The following CSMD1 variants were observed in gnomAD, a reference collection of about 807,000 sequenced individuals.
The protein encoded by CSMD1 is CUB and sushi domain-containing protein 1.
CSMD1 carries 213 observed loss-of-function variants against 417.5 expected under a neutral mutation model. The ratio of observed to expected loss-of-function variants is 0.51; its 90% CI spans 0.46 to 0.57. CSMD1 has a LOEUF of 0.57. CSMD1 is among the 20% of genes least tolerant of loss of function. CSMD1 has a pLI of 0.00. For synonymous variants in CSMD1, 2,862 were observed against 1,736.8 expected (o/e 1.65, Z -16.11); for missense variants, 6,923 against 4,529.7 (o/e 1.53, Z -15.17).
At chr8:4,445,932 CAGAGAA>C (rs1798762501) in intron 2 of CSMD1, among the ~76,000 whole-genome samples, 2 of 152,048 alleles carry the variant, frequency 1.3e-5, no homozygotes, top group Admixed American at 6.5e-5. Flanking sequence ...TTCAGCTGGT[CAGAGAA>C]AAAGTATTTC....
chr8:3,398,860 A>G (rs539304590), intron 16 of CSMD1, among the ~76,000 whole-genome samples: 2 of 152,312 alleles, frequency 1.3e-5, no homozygotes, highest in South Asian at 4.1e-4. Context: ...AGATCATGAA[A>G]TGCATTATTA....
chr8:4,090,321 A>G (rs577491877), intron 3 of CSMD1, among the ~76,000 whole-genome samples: 23 of 152,344 alleles, frequency 1.5e-4, no homozygotes, highest in Middle Eastern at 3.4e-3. Flanking sequence ...GTTTATAAAG[A>G]AACATTAAAC....
chr8:3,329,754 A>G (rs1806773973), intron 23 of CSMD1, among the ~76,000 whole-genome samples: 1 of 152,160 alleles, frequency 6.6e-6, no homozygotes, highest in African/African-American at 2.4e-5. Context: ...AGGCCATGCC[A>G]TCAGTCTGTG....
chr8:4,520,574 G>A (rs1388374739), intron 2 of CSMD1, among the ~76,000 whole-genome samples: 1 of 152,096 alleles, frequency 6.6e-6, no homozygotes. Flanking sequence ...GATAATCAGA[G>A]TGGTTATGTC....
chr8:4,725,102 A>C (rs1936141201), intron 1 of CSMD1, among the ~76,000 whole-genome samples: 2 of 152,180 alleles, frequency 1.3e-5, no homozygotes, highest in African/African-American at 4.8e-5. Flanking sequence ...TTTCAAATTA[A>C]ATGTATCCTG....
chr8:4,265,112 T>C (rs975403126), intron 3 of CSMD1, among the ~76,000 whole-genome samples: 1 of 152,130 alleles, frequency 6.6e-6, no homozygotes, highest in Admixed American at 6.6e-5. Context: ...CAAATTAAGT[T>C]GAAAAACTGT....
At chr8:3,770,253 C>T (rs1798496780) in intron 5 of CSMD1, among the ~76,000 whole-genome samples, 2 of 152,180 alleles carry the variant, frequency 1.3e-5, no homozygotes, top group Admixed American at 1.3e-4. Context: ...GGCAACTGGG[C>T]ACAGTGTCTC....
intron 1 of CSMD1, among the ~76,000 whole-genome samples, chr8:4,867,121 A>T (rs1802463614): frequency 1.3e-5 from 2 of 152,092 alleles, no homozygotes; most frequent in Non-Finnish European, 2.9e-5. Context: ...TATGAACTTC[A>T]TGAACTACAC....
intron 3 of CSMD1, among the ~76,000 whole-genome samples, chr8:4,102,488 G>C (rs1303559903): frequency 2.6e-5 from 4 of 152,150 alleles, no homozygotes; most frequent in African/African-American, 7.2e-5. Context: ...TGTCACTTGA[G>C]GGGCAGAATT....
intron 7 of CSMD1, among the ~76,000 whole-genome samples, chr8:3,660,651 G>C (rs1450945627): frequency 6.6e-6 from 1 of 151,524 alleles, no homozygotes; most frequent in Non-Finnish European, 1.5e-5. Context: ...CTCCTGAGTA[G>C]CTGGGATTAC....
chr8:4,133,095 C>T (rs141323907), intron 3 of CSMD1, among the ~76,000 whole-genome samples: 4 of 152,144 alleles, frequency 2.6e-5, no homozygotes, highest in African/African-American at 7.2e-5. Flanking sequence ...GCCACCATGC[C>T]CGGATAATTT....
At chr8:4,440,307 C>G (rs1186572103) in intron 2 of CSMD1, among the ~76,000 whole-genome samples, 4 of 152,152 alleles carry the variant, frequency 2.6e-5, no homozygotes, top group Non-Finnish European at 4.4e-5. Context: ...AAAATGGAAT[C>G]AGCTGGAAAG....
At chr8:3,729,314 C>T (rs1585144617) in intron 6 of CSMD1, among the ~76,000 whole-genome samples, 1 of 152,146 alleles carries the variant, frequency 6.6e-6, no homozygotes, top group African/African-American at 2.4e-5. Context: ...CAGATGCTGT[C>T]TGAGGGTGGG....
chr8:4,535,047 C>T (rs1797035045), intron 2 of CSMD1, among the ~76,000 whole-genome samples: 1 of 152,200 alleles, frequency 6.6e-6, no homozygotes, highest in Non-Finnish European at 1.5e-5. Context: ...AGGCGTGAGC[C>T]ACCACGCCTG....
intron 10 of CSMD1, among the ~76,000 whole-genome samples, chr8:3,549,858 T>C (rs942117383): frequency 6.6e-6 from 1 of 152,156 alleles, no homozygotes; most frequent in African/African-American, 2.4e-5. Context: ...CAACAGACAG[T>C]GGAGTAACAT....
rs1445396395 is a variant in CSMD1, at chr8:3,535,781, C to G, written c.1344+39164G>C. Among the ~76,000 whole-genome samples, 5 of 152,188 alleles carry G rather than the reference C, an allele frequency of 3.3e-5. No homozygotes were observed. In the South Asian group the frequency reaches 1.0e-3, roughly 32 times the overall value. On this transcript the variant is annotated intron_variant, in intron 10 of 69. Transcript: ENST00000635120. ...TTGGCAGTTCACACCTTCCCACATG[C>G]TTTGAAAATTCCCAAGGGCTGGATT...
chr8:4,807,398 G>A (rs185853127), intron 1 of CSMD1, among the ~76,000 whole-genome samples: 1 of 152,102 alleles, frequency 6.6e-6, no homozygotes, highest in African/African-American at 2.4e-5. Context: ...GGTGGGAAAC[G>A]TGCTCCAGGC....
chr8:4,839,697 C>T (rs1048713484), intron 1 of CSMD1, among the ~76,000 whole-genome samples: 3 of 152,148 alleles, frequency 2.0e-5, no homozygotes, highest in African/African-American at 7.2e-5. Context: ...TTCTCATGAA[C>T]TCAAAGATAA....
chr8:3,776,772 T>C (rs1381029788), intron 5 of CSMD1, among the ~76,000 whole-genome samples: 3 of 136,270 alleles, frequency 2.2e-5, no homozygotes, highest in African/African-American at 5.9e-5. Context: ...ACAGAGATGA[T>C]AGATGAGCAG....
Sources: allele counts gnomAD v4.1 joint callset (sites outside exome capture counted in the v4.1 genomes callset), GRCh38; gene constraint gnomAD v4.1.1; transcripts MANE v1.5; gene names NCBI Gene and HGNC (gene_info 2026-07-23, HGNC 2026-07-21).